ERCC6L2: variants seen among roughly 807,000 people sequenced by gnomAD.
ERCC6L2 encodes the protein DNA excision repair protein ERCC-6-like 2.
ERCC6L2 carries 77 observed loss-of-function variants against 132.0 expected under a neutral mutation model. That is an observed-to-expected ratio of 0.58 (90% CI 0.49 to 0.71). The LOEUF is 0.71. ERCC6L2 is among the 30% of genes least tolerant of loss of function. The pLI is 0.00. For missense variants in ERCC6L2, 1,542 were observed against 1,837.6 expected (o/e 0.84, Z 2.94); for synonymous variants, 583 against 632.4 (o/e 0.92, Z 1.17).
chr9:96,004,677 G>A lies in ERCC6L2; in HGVS notation c.3650G>A (p.Gly1217Glu). 3 of 1,343,424 alleles carry A rather than the reference G, an allele frequency of 2.2e-6. No homozygotes were observed. Among genetic ancestry groups the A allele is most frequent in the African/African-American group, 1.5e-5 (1 of 67,420 alleles). 83.2% of individuals were successfully genotyped at this position (1,343,424 alleles called of 1,614,324 possible). A position where few individuals can be genotyped will look rare whatever the true frequency, so the allele number is the denominator to read the frequency against. Residue 1217 changes from glycine to glutamate, a missense_variant, in exon 18 of 19, where the codon GGA becomes GAA. Gly to Glu is a moderately conservative substitution (Grantham distance 98). Coordinates refer to ENST00000653738, the MANE Select transcript of ERCC6L2 (RefSeq NM_020207.7). ...YHTNQTTFII[G>E]ETPKGIRRKQ... is the part of the protein sequence containing the mutation. ...ACAAACCAGACCACCTTCATAATTG[G>A]AGAAACACCAAAAGGAATCCGCAGG...
At chr9:95,929,828 T>C (rs532315993) in intron 11 of ERCC6L2, among the ~76,000 whole-genome samples, 29 of 152,270 alleles carry the variant, frequency 1.9e-4, no homozygotes, top group African/African-American at 7.0e-4. Flanking sequence ...AACTTTAAAG[T>C]GTTTCCAGTT....
intron 2 of ERCC6L2, among the ~76,000 whole-genome samples, chr9:95,888,104 T>G (rs1186543115): frequency 1.3e-5 from 2 of 152,066 alleles, no homozygotes; most frequent in African/African-American, 2.4e-5. Flanking sequence ...AAAAATACTT[T>G]TGAAGTGTGG....
At chr9:95,888,374 T>G (rs1052001689) in intron 2 of ERCC6L2, among the ~76,000 whole-genome samples, 1 of 152,190 alleles carries the variant, frequency 6.6e-6, no homozygotes, top group African/African-American at 2.4e-5. Context: ...AACAGAAAGC[T>G]TTCCCAGAGT....
intron 17 of ERCC6L2, among the ~76,000 whole-genome samples, chr9:95,986,494 C>G (rs1244211809): frequency 7.5e-6 from 1 of 133,472 alleles, no homozygotes; most frequent in East Asian, 2.3e-4. Flanking sequence ...ATATATCTCT[C>G]TCCTTTTTTT....
intron 12 of ERCC6L2, among the ~76,000 whole-genome samples, chr9:95,953,524 T>A (rs1183968702): frequency 2.1e-4 from 31 of 147,396 alleles, no homozygotes; most frequent in African/African-American, 7.5e-4. Context: ...GCAGTGAGCC[T>A]AGATTGAGCC....
At chr9:95,955,247 G>A (rs1287651072) in intron 12 of ERCC6L2, among the ~76,000 whole-genome samples, 4 of 152,196 alleles carry the variant, frequency 2.6e-5, no homozygotes, top group African/African-American at 7.2e-5. Context: ...ATCTACGGAT[G>A]AGAACTGTAG....
chr9:95,925,942 T>C (rs1830080817), intron 9 of ERCC6L2, among the ~76,000 whole-genome samples: 1 of 151,926 alleles, frequency 6.6e-6, no homozygotes, highest in Non-Finnish European at 1.5e-5. Flanking sequence ...AACAGGTACT[T>C]CCCCAAAGAA....
At chr9:95,927,246 T>C (rs766778260) in intron 9 of ERCC6L2, among the ~76,000 whole-genome samples, 1 of 152,118 alleles carries the variant, frequency 6.6e-6, no homozygotes, top group Non-Finnish European at 1.5e-5. Flanking sequence ...CTTCTCTTGA[T>C]TGAGTAAGTG....
chr9:95,972,774 A>G lies in ERCC6L2; in HGVS notation c.3023A>G (p.Glu1008Gly). Reference sequence around the variant, plus strand: ...TCATTGAGGTTTAAGAGAATAAAAGAAACCAAAAAAGAACTTCACAATTCT... The same window carrying G: ...TCATTGAGGTTTAAGAGAATAAAAGGAACCAAAAAAGAACTTCACAATTCT... The part of the protein sequence containing the change: ...ASSLRFKRIK[E>G]TKKELHNSPK... Residue 1008 changes from glutamate to glycine, a missense_variant, in exon 16 of 19, where the codon GAA becomes GGA. By Grantham distance (98) the Glu-to-Gly change is moderately conservative (BLOSUM62 -2). Coordinates refer to ENST00000653738, the MANE Select transcript of ERCC6L2 (RefSeq NM_020207.7). 1 of 1,303,912 alleles carries G rather than the reference A, an allele frequency of 7.7e-7. No homozygotes were observed. The highest frequency in any genetic ancestry group is 1.0e-6 in the Non-Finnish European group (1 of 988,858). The allele number at this position is 1,303,912 out of a possible 1,614,324, so 80.8% of individuals were successfully genotyped here.
chr9:95,956,076 A>G lies in ERCC6L2; in HGVS notation c.1947+63A>G, dbSNP rs926558917. ...ATTTATCTGTTTTCAAAAATTAGGA[A>G]CAAATTTGTGTAAAATGTAAGTTTT... On this transcript the variant is annotated intron_variant, in intron 13 of 18. Coordinates refer to ENST00000653738, the MANE Select transcript of ERCC6L2 (RefSeq NM_020207.7). 10 of 904,322 alleles carry G rather than the reference A, an allele frequency of 1.1e-5. No homozygotes were observed. The African/African-American group carries it at 1.7e-4, about 15-fold the overall frequency. 56.0% of individuals were successfully genotyped at this position (904,322 alleles called of 1,614,324 possible).
intron 13 of ERCC6L2, among the ~76,000 whole-genome samples, chr9:95,957,953 T>C (rs1265561486): frequency 6.6e-6 from 1 of 151,792 alleles, no homozygotes; most frequent in Non-Finnish European, 1.5e-5. Context: ...TGTATACATG[T>C]GCCATGTTGG....
Position 95,972,443 on chromosome 9 carries a change from T to G in ERCC6L2, c.2692T>G (p.Ser898Ala), listed in dbSNP as rs1357401514. 1 of 1,281,160 alleles carries G rather than the reference T, an allele frequency of 7.8e-7. No individual in the cohort carries two copies. Among genetic ancestry groups the G allele is most frequent in the Non-Finnish European group, 1.0e-6 (1 of 986,588 alleles). 79.4% of individuals were successfully genotyped at this position (1,281,160 alleles called of 1,614,324 possible). The stretch of plus-strand genomic sequence containing the variant: ...TTGCATTTTACAGAATGTCACAGAA[T>G]CAGAAGATAGTGATGTCATCTGTCC... The part of the protein sequence containing the change: ...KHCILQNVTE[S>A]EDSDVICPTQ... The change falls in exon 16 of 19, where the codon TCA becomes GCA. Residue 898 changes from serine to alanine, a missense_variant. Physicochemically the swap from Ser to Ala is moderately conservative, Grantham distance 99. Coordinates refer to ENST00000653738, the MANE Select transcript of ERCC6L2 (RefSeq NM_020207.7).
intron 2 of ERCC6L2, among the ~76,000 whole-genome samples, chr9:95,888,167 G>A (rs956816880): frequency 1.3e-5 from 2 of 151,052 alleles, no homozygotes; most frequent in Non-Finnish European, 2.9e-5. Flanking sequence ...TGAAAAATAA[G>A]GTAGTAAACA....
At chr9:95,908,091 A>G (rs1452149237) in intron 4 of ERCC6L2, among the ~76,000 whole-genome samples, 3 of 152,144 alleles carry the variant, frequency 2.0e-5, no homozygotes, top group Non-Finnish European at 4.4e-5. Flanking sequence ...GTGTGTGCAG[A>G]TAAAGGAGAG....
chr9:95,922,172 C>A, intron 7 of ERCC6L2, 133 bp from the exon 8 acceptor site: 1 of 526,754 alleles, frequency 1.9e-6, no homozygotes, highest in Non-Finnish European at 3.4e-6. Context: ...CAATAGTTGA[C>A]CATCATTTTC....
At chr9:95,979,281 G>A in intron 17 of ERCC6L2, among the ~76,000 whole-genome samples, 1 of 152,182 alleles carries the variant, frequency 6.6e-6, no homozygotes, top group East Asian at 1.9e-4. Flanking sequence ...ATTAATGTCT[G>A]GAAGCCAGGG....
intron 12 of ERCC6L2, among the ~76,000 whole-genome samples, chr9:95,943,457 C>T (rs1468597008): frequency 7.2e-5 from 11 of 152,070 alleles, no homozygotes; most frequent in Non-Finnish European, 1.2e-4. Context: ...TGCTCAAACT[C>T]CACCCTGCAG....
At chr9:95,922,463 A>G (rs1306768102) in intron 8 of ERCC6L2, 45 bp downstream of exon 8, 1 of 1,126,934 alleles carries the variant, frequency 8.9e-7, no homozygotes, top group Admixed American at 2.2e-5. Flanking sequence ...ATTGTTGTGA[A>G]TATTTTATAA....
intron 18 of ERCC6L2, among the ~76,000 whole-genome samples, chr9:96,011,180 A>G (rs548969215): frequency 6.6e-6 from 1 of 152,314 alleles, no homozygotes; most frequent in African/African-American, 2.4e-5. Flanking sequence ...GATGGCCAAC[A>G]ACAAGAAGTT....
Sources: gnomAD v4.1 joint callset for allele counts (sites outside exome capture counted in the v4.1 genomes callset) on GRCh38, gnomAD v4.1.1 for gene constraint, MANE v1.5 for transcripts, NCBI Gene and HGNC (gene_info 2026-07-23, HGNC 2026-07-21) for gene names.